PTPRT: variants seen among roughly 807,000 people sequenced by gnomAD.
PTPRT encodes protein tyrosine phosphatase receptor type T.
Under a neutral mutation model 176.8 loss-of-function variants are expected in PTPRT, and 56 were observed. The observed-to-expected ratio is 0.32, with a 90% confidence interval of 0.26 to 0.40. The LOEUF (loss-of-function observed/expected upper bound fraction) is 0.40. Among genes scored for constraint, PTPRT ranks in the 10% least tolerant of loss-of-function variants. PTPRT has a pLI of 1.00. For synonymous variants in PTPRT, 783 were observed against 739.0 expected (o/e 1.06, Z -0.96); for missense variants, 1,540 against 1,908.2 (o/e 0.81, Z 3.60).
At chr20:42,724,460 T>C (rs992635267) in intron 6 of PTPRT, among the ~76,000 whole-genome samples, 1 of 152,140 alleles carries the variant, frequency 6.6e-6, no homozygotes, top group Admixed American at 6.5e-5. Flanking sequence ...TCAGGGCATT[T>C]CTTTCTTGTT....
intron 1 of PTPRT, among the ~76,000 whole-genome samples, chr20:42,975,862 T>G (rs1443310039): frequency 6.6e-6 from 1 of 151,838 alleles, no homozygotes; most frequent in African/African-American, 2.4e-5. Context: ...TGCCCCGTTT[T>G]GGGGAAGAAA....
chr20:42,166,027 T>C (rs1016101569), intron 16 of PTPRT, among the ~76,000 whole-genome samples: 37 of 152,262 alleles, frequency 2.4e-4, no homozygotes, highest in African/African-American at 8.7e-4. Flanking sequence ...TTACATTCTT[T>C]ATTCACACAA....
chr20:42,547,772 A>C (rs1272172349), intron 7 of PTPRT, among the ~76,000 whole-genome samples: 2 of 152,044 alleles, frequency 1.3e-5, no homozygotes, highest in African/African-American at 4.8e-5. Flanking sequence ...TGTAAATATT[A>C]GAAAGGAAGA....
chr20:42,381,496 C>T (rs910180728), intron 9 of PTPRT, among the ~76,000 whole-genome samples: 1 of 152,110 alleles, frequency 6.6e-6, no homozygotes, highest in Non-Finnish European at 1.5e-5. Context: ...GAGAAGTAAA[C>T]ATTTGATGTT....
At chr20:43,090,313 G>T (rs1411656504) in intron 1 of PTPRT, among the ~76,000 whole-genome samples, 4 of 151,408 alleles carry the variant, frequency 2.6e-5, no homozygotes, top group African/African-American at 9.7e-5. Context: ...TGTCGCCCAG[G>T]CTGGAGTGCA....
chr20:42,525,772 G>C (rs2072257108), intron 7 of PTPRT, among the ~76,000 whole-genome samples: 1 of 152,158 alleles, frequency 6.6e-6, no homozygotes. Context: ...ACAGCAAAAA[G>C]ACTAGGCAGA....
At chr20:43,004,303 G>A (rs1376089740) in intron 1 of PTPRT, among the ~76,000 whole-genome samples, 2 of 151,858 alleles carry the variant, frequency 1.3e-5, no homozygotes, top group African/African-American at 2.4e-5. Context: ...CTTCACAAAA[G>A]AAAAGCAAAT....
At chr20:42,046,590 G>A in the PTPRT span, among the ~76,000 whole-genome samples, 4 of 152,184 alleles carry the variant, frequency 2.6e-5, no homozygotes, top group Admixed American at 2.6e-4. Context: ...ACGACTTACA[G>A]TGGGGACCAG....
chr20:42,346,887 C>G (rs1293789667), intron 11 of PTPRT, among the ~76,000 whole-genome samples: 3 of 152,196 alleles, frequency 2.0e-5, no homozygotes, highest in Admixed American at 6.5e-5. Context: ...CGGGCTCACA[C>G]AAGGCAGAGT....
At chr20:42,355,976 T>C (rs965909676) in intron 9 of PTPRT, among the ~76,000 whole-genome samples, 14 of 152,312 alleles carry the variant, frequency 9.2e-5, no homozygotes, top group African/African-American at 3.4e-4. Context: ...TGAAACACTA[T>C]GAATAAATCA....
the PTPRT span, among the ~76,000 whole-genome samples, chr20:42,036,248 A>G: frequency 6.6e-6 from 1 of 152,190 alleles, no homozygotes; most frequent in Non-Finnish European, 1.5e-5. Context: ...AAGACTTCTG[A>G]GTTAGGACAA....
intron 21 of PTPRT, among the ~76,000 whole-genome samples, chr20:42,115,816 G>A (rs117073299): frequency 6.6e-6 from 1 of 152,242 alleles, no homozygotes; most frequent in Non-Finnish European, 1.5e-5. Context: ...AAGCAGAAGT[G>A]GTTGGGAGGG....
chr20:43,041,929 G>A (rs1372966690), intron 1 of PTPRT, among the ~76,000 whole-genome samples: 1 of 152,208 alleles, frequency 6.6e-6, no homozygotes, highest in East Asian at 1.9e-4. Context: ...AATGTTTACT[G>A]ACCCTTGGTC....
chr20:42,789,576 C>T (rs1600740973), intron 3 of PTPRT, among the ~76,000 whole-genome samples: 1 of 152,106 alleles, frequency 6.6e-6, no homozygotes, highest in African/African-American at 2.4e-5. Context: ...TTGTACTGTG[C>T]CTGGAACATG....
chr20:42,242,174 T>G (rs1043869633), intron 14 of PTPRT, among the ~76,000 whole-genome samples: 6 of 152,208 alleles, frequency 3.9e-5, no homozygotes, highest in South Asian at 2.1e-4. Flanking sequence ...ATGGCATGTC[T>G]TCCACATACT....
rs71193679 is a variant in PTPRT at position 43,180,341 on chromosome 20, ATCTC to A, written c.88+9301_88+9304del. On this transcript the variant is annotated intron_variant, in intron 1 of 30. Coordinates refer to ENST00000373187, the MANE Select transcript of PTPRT (RefSeq NM_007050.6). Reference sequence around the variant, plus strand: ...GCCAATTCCTATAAGAAATGAATCAATCTCTCTCTCTCTCTCTCTCTCTCTCTCT... The same window carrying A: ...GCCAATTCCTATAAGAAATGAATCAATCTCTCTCTCTCTCTCTCTCTCTCT... 1.8e-3 allele frequency among the ~76,000 whole-genome samples: 202 copies of A among 115,064 alleles called. 3 individuals are homozygous for A. Among genetic ancestry groups the A allele is most frequent in the South Asian group, 1.4e-3 (4 of 2,838 alleles). The allele number at this position is 115,064 out of a possible 152,430, so 75.5% of individuals were successfully genotyped here. A position where few individuals can be genotyped will look rare whatever the true frequency, so the allele number is the denominator to read the frequency against.
chr20:42,453,429 T>C lies in PTPRT; in HGVS notation c.1451-5100A>G, dbSNP rs542640694. On this transcript the variant is annotated intron_variant, in intron 8 of 30. Transcript: ENST00000373187. ...TTTTTGTATTGTATTAAAAAGTTTC[T>C]TTTATAGTGTTTTGCAATATATTAA... Among the ~76,000 whole-genome samples, 7 of 152,192 alleles carry C rather than the reference T, an allele frequency of 4.6e-5. No homozygotes were observed. The South Asian group carries it at 1.5e-3, about 32-fold the overall frequency.
intron 21 of PTPRT, among the ~76,000 whole-genome samples, chr20:42,117,251 G>A (rs16986521): frequency 0.05 from 7,576 of 152,160 alleles, 638 homozygotes; most frequent in African/African-American, 0.17. Context: ...CCTTCCCATC[G>A]TCGCAGAGGC....
At chr20:42,051,737 G>A in the PTPRT span, among the ~76,000 whole-genome samples, 28 of 152,368 alleles carry the variant, frequency 1.8e-4, no homozygotes, top group South Asian at 5.4e-3. Flanking sequence ...ATTGGTGCAT[G>A]TGTACAAATA....
Sources: gnomAD v4.1 joint callset for allele counts (sites outside exome capture counted in the v4.1 genomes callset) on GRCh38, gnomAD v4.1.1 for gene constraint, MANE v1.5 for transcripts, NCBI Gene and HGNC (gene_info 2026-07-23, HGNC 2026-07-21) for gene names.